EYS: variants seen among roughly 807,000 people sequenced by gnomAD.
The protein encoded by EYS is EGF-like photoreceptor maintenance factor, also known as protein eyes shut homolog.
Under a neutral mutation model 282.1 loss-of-function variants are expected in EYS, and 250 were observed. The observed-to-expected ratio is 0.89, with a 90% CI of 0.80 to 0.98. EYS has a LOEUF of 0.98. Among genes scored for constraint, EYS ranks in the 50% least tolerant of loss-of-function variants. The probability of loss-of-function intolerance (pLI) is 0.00; values close to 1 mark genes in which losing one functional copy is unlikely to be tolerated. For synonymous variants in EYS, 1,355 were observed against 1,282.9 expected (o/e 1.06, Z -1.20); for missense variants, 4,016 against 3,709.0 (o/e 1.08, Z -2.15).
In EYS at chr6:65,003,374, C is replaced by A. The variant is rs184990624; in HGVS notation, c.2138-5671G>T. Among the ~76,000 whole-genome samples, 671 of 146,700 alleles carry A rather than the reference C, an allele frequency of 4.6e-3. 20 individuals carry two copies. The highest frequency in any genetic ancestry group is 0.015 in the African/African-American group (630 of 40,802). On this transcript the variant is annotated intron_variant, in intron 13 of 42. Coordinates refer to ENST00000503581, the MANE Select transcript of EYS (RefSeq NM_001142800.2). ...CCTGCCTAATAAATTTTGGTCAGAC[C>A]GGTTGCTCTCAAAACCCTGTCTCCT...
intron 26 of EYS, among the ~76,000 whole-genome samples, chr6:64,500,640 C>G (rs1777008872): frequency 6.6e-6 from 1 of 151,730 alleles, no homozygotes; most frequent in African/African-American, 2.4e-5. Context: ...ACTGATTAAC[C>G]CTAGTTTATT....
chr6:65,398,514 C>A (rs1766375048), intron 7 of EYS, among the ~76,000 whole-genome samples: 1 of 151,578 alleles, frequency 6.6e-6, no homozygotes, highest in African/African-American at 2.4e-5. Flanking sequence ...TTTTAAAAAT[C>A]CTAGAAAAAA....
chr6:65,335,661 C>T (rs372365421), intron 10 of EYS, among the ~76,000 whole-genome samples: 1 of 151,646 alleles, frequency 6.6e-6, no homozygotes, highest in South Asian at 2.1e-4. Flanking sequence ...ACTCATTGAA[C>T]ATGTGCTTGC....
At chr6:64,417,881 A>G (rs897271309) in intron 28 of EYS, among the ~76,000 whole-genome samples, 1 of 152,136 alleles carries the variant, frequency 6.6e-6, no homozygotes, top group African/African-American at 2.4e-5. Context: ...CATATAGGCC[A>G]GGCTAGTCTT....
chr6:64,753,573 T>C (rs146607090), intron 22 of EYS, among the ~76,000 whole-genome samples: 1,922 of 147,646 alleles, frequency 0.013, 33 homozygotes, highest in Admixed American at 0.047. Flanking sequence ...AGTAAAACAA[T>C]TGTAAATATA....
intron 35 of EYS, among the ~76,000 whole-genome samples, chr6:63,940,938 G>C (rs1019462971): frequency 6.6e-6 from 1 of 150,538 alleles, no homozygotes; most frequent in East Asian, 2.0e-4. Context: ...GCAGTGTTTG[G>C]TTTTCTGTCC....
chr6:64,321,435 T>C (rs1351965743), intron 29 of EYS, among the ~76,000 whole-genome samples: 1 of 151,998 alleles, frequency 6.6e-6, no homozygotes, highest in East Asian at 1.9e-4. Context: ...AAGGCTGATG[T>C]AATTTAGTCC....
intron 22 of EYS, among the ~76,000 whole-genome samples, chr6:64,715,177 G>A (rs1771346547): frequency 6.6e-6 from 1 of 152,076 alleles, no homozygotes; most frequent in Non-Finnish European, 1.5e-5. Context: ...AATATTTAAT[G>A]AAATAATTAT....
chr6:64,485,468 C>A (rs990442779), intron 26 of EYS, among the ~76,000 whole-genome samples: 1 of 151,626 alleles, frequency 6.6e-6, no homozygotes, highest in Middle Eastern at 3.4e-3. Context: ...TATGTTTTTG[C>A]TCAATAGGCA....
At chr6:64,294,089 A>C (rs958870421) in intron 30 of EYS, among the ~76,000 whole-genome samples, 1 of 5,856 alleles carries the variant, frequency 1.7e-4, no homozygotes, top group Non-Finnish European at 3.0e-4. Flanking sequence ...TATAAGAGTT[A>C]ATCCAAAGTT....
chr6:63,971,819 C>T (rs948753015), intron 35 of EYS, among the ~76,000 whole-genome samples: 1 of 152,122 alleles, frequency 6.6e-6, no homozygotes, highest in Non-Finnish European at 1.5e-5. Flanking sequence ...TGTTGCATTT[C>T]AATTGTATTT....
At chr6:65,356,038 A>C (rs529819877) in intron 8 of EYS, among the ~76,000 whole-genome samples, 1 of 152,104 alleles carries the variant, frequency 6.6e-6, no homozygotes, top group Admixed American at 6.6e-5. Flanking sequence ...GTATGCTTAG[A>C]TTCATTATTC....
At chr6:65,288,719 T>C in intron 12 of EYS, among the ~76,000 whole-genome samples, 2 of 151,144 alleles carry the variant, frequency 1.3e-5, no homozygotes, top group Middle Eastern at 6.8e-3. Context: ...AAATCTAATA[T>C]TGGATGTATA....
chr6:65,111,868 TG>T (rs2150189521), intron 12 of EYS, among the ~76,000 whole-genome samples: 1 of 152,220 alleles, frequency 6.6e-6, no homozygotes, highest in Non-Finnish European at 1.5e-5. Context: ...AAGTTACCCA[TG>T]TTAACTTTGG....
intron 35 of EYS, among the ~76,000 whole-genome samples, chr6:63,900,256 A>G (rs1773627205): frequency 2.6e-5 from 4 of 152,318 alleles, no homozygotes; most frequent in South Asian, 2.1e-4. Flanking sequence ...CAAATGCATT[A>G]GTAGAAGTTC....
chr6:65,321,914 G>A (rs1178892835), intron 11 of EYS, among the ~76,000 whole-genome samples: 1 of 152,184 alleles, frequency 6.6e-6, no homozygotes, highest in Non-Finnish European at 1.5e-5. Flanking sequence ...TCTTTAGGGT[G>A]GGAGAATAGG....
chr6:64,188,345 T>A (rs1765007039), intron 31 of EYS, among the ~76,000 whole-genome samples: 1 of 152,170 alleles, frequency 6.6e-6, no homozygotes, highest in African/African-American at 2.4e-5. Context: ...TACACAGAGA[T>A]AAACTGGGTT....
intron 36 of EYS, among the ~76,000 whole-genome samples, chr6:63,818,541 C>T (rs971362461): frequency 6.6e-6 from 1 of 152,130 alleles, no homozygotes; most frequent in African/African-American, 2.4e-5. Flanking sequence ...TGAGGCCTAT[C>T]TTGTCCTATC....
At chr6:65,527,670 T>C (rs1767619619) in intron 2 of EYS, among the ~76,000 whole-genome samples, 1 of 152,214 alleles carries the variant, frequency 6.6e-6, no homozygotes, top group Non-Finnish European at 1.5e-5. Flanking sequence ...GCCAGTATAA[T>C]TGGACGCTGT....
Sources: allele counts gnomAD v4.1 joint callset (sites outside exome capture counted in the v4.1 genomes callset), GRCh38; gene constraint gnomAD v4.1.1; transcripts MANE v1.5; gene names NCBI Gene and HGNC (gene_info 2026-07-23, HGNC 2026-07-21).